LILRB5: variants seen among roughly 807,000 people sequenced by gnomAD.
LILRB5 encodes the protein leukocyte immunoglobulin-like receptor subfamily B member 5.
In LILRB5, 61 loss-of-function variants were observed where a neutral mutation model predicts 68.4. The ratio of observed to expected loss-of-function variants is 0.89; its 90% CI spans 0.73 to 1.10. LILRB5 has a LOEUF of 1.10. LILRB5 is among the 50% of genes least tolerant of loss of function. LILRB5 has a pLI of 0.00. For missense variants in LILRB5, 771 were observed against 751.6 expected (o/e 1.03, Z -0.30); for synonymous variants, 356 against 315.8 (o/e 1.13, Z -1.35).
At chr19:54,255,704 G>A (rs930820896) in intron 4 of LILRB5, 122 bp from the exon 5 acceptor site, 9 of 1,226,050 alleles carry the variant, frequency 7.3e-6, no homozygotes, top group South Asian at 3.1e-5. Flanking sequence ...CTCGGATCCC[G>A]GGGCCTCCTT....
Position 54,254,007 on chromosome 19 carries a change from C to G in LILRB5, c.1357+11G>C. On this transcript the variant is annotated intron_variant, in intron 8 of 12. Transcript: ENST00000449561. ...TCTCCGCCCACCTCCCACTCAGAGC[C>G]CCTCACTCACCACTCTGGGGATCCA... The G allele has an allele frequency of 6.3e-7, 1 of 1,585,386 alleles. No homozygotes were observed. The highest frequency in any genetic ancestry group is 2.3e-5 in the East Asian group (1 of 43,750).
chr19:54,253,847 G>A (rs759593590), intron 8 of LILRB5, 171 bp downstream of exon 8: 793 of 1,497,136 alleles, frequency 5.3e-4, no homozygotes, highest in Non-Finnish European at 6.9e-4. Flanking sequence ...ACAGTCCCCT[G>A]AAGAATCCCA....
chr19:54,252,840 C>G, intron 9 of LILRB5, 31 bp downstream of exon 9: 2 of 1,567,188 alleles, frequency 1.3e-6, no homozygotes, highest in Non-Finnish European at 1.7e-6. Context: ...CACCCTCGGT[C>G]GGCCCACGGG....
chr19:54,256,476 A>C lies in LILRB5; in HGVS notation c.355+13T>G. 1 of 1,612,970 alleles carries C rather than the reference A, an allele frequency of 6.2e-7. No individual in the cohort carries two copies. The highest frequency in any genetic ancestry group is 1.1e-5 in the South Asian group (1 of 91,052). ...GCAGAGCCTGGGGCTGGGACCCCTG[A>C]GTGTCCTCTCACCTGTCGCCACCAG... On this transcript the variant is annotated intron_variant, in intron 3 of 12. Transcript: ENST00000449561.
chr19:54,252,994 C>G lies in LILRB5; in HGVS notation c.1358-7G>C, dbSNP rs139385936. 2.6e-4 allele frequency: 402 copies of G among 1,537,482 alleles called. 2 individuals are homozygous for G. Among genetic ancestry groups the G allele is most frequent in the Middle Eastern group, 7.1e-4 (4 of 5,668 alleles). ...CCCAGGTGCCTTCCCAGACCTTGAGCGTGATGACGTTGGGAATGGGGATGA... is the reference window on the plus strand; with the variant it reads ...CCCAGGTGCCTTCCCAGACCTTGAGGGTGATGACGTTGGGAATGGGGATGA... On this transcript the variant is annotated splice_region_variant and splice_polypyrimidine_tract_variant and intron_variant, in intron 8 of 12. Transcript: ENST00000449561.
chr19:54,252,478 A>G lies in LILRB5; in HGVS notation c.1538+8T>C, dbSNP rs1326968882. ...GGATGGGAGTCTTGGGTCTTCATGC[A>G]GAATTACCTCTTCTGCAGGCCCTGG... On this transcript the variant is annotated splice_region_variant and intron_variant, in intron 10 of 12. Coordinates refer to ENST00000449561, the MANE Select transcript of LILRB5 (RefSeq NM_001081442.3). 1.2e-6 allele frequency: 2 copies of G among 1,614,172 alleles called. No individual in the cohort carries two copies. Among genetic ancestry groups the G allele is most frequent in the Admixed American group, 3.3e-5 (2 of 60,016 alleles).
At chr19:54,251,702 C>T (rs1329878665) in intron 12 of LILRB5, 5 of 643,394 alleles carry the variant, frequency 7.8e-6, no homozygotes, top group Admixed American at 6.3e-5. Context: ...CCATGGGGAG[C>T]CCCATCCACA....
chr19:54,251,125 CGG>C (rs1362771472), intron 12 of LILRB5, 193 bp from the exon 13 acceptor site: 1 of 1,557,984 alleles, frequency 6.4e-7, no homozygotes, highest in African/African-American at 1.4e-5. Flanking sequence ...AGTGTTTCAC[CGG>C]GGCATACGTC....
rs764856929 is a variant in LILRB5 at position 54,252,519 on chromosome 19, C to A, written c.1505G>T (p.Gly502Val). The A allele has an allele frequency of 2.5e-6, 4 of 1,614,080 alleles. No individual in the cohort carries two copies. The highest frequency in any genetic ancestry group is 2.5e-6 in the Non-Finnish European group (3 of 1,180,022). The change falls in exon 10 of 13, where the codon GGG becomes GTG. Residue 502 changes from glycine to valine, a missense_variant. Coordinates refer to ENST00000449561, the MANE Select transcript of LILRB5 (RefSeq NM_001081442.3). ...CAGGCCCTGGTCCTTGGGCTCTGGCCCCGCAGCCCCTGCAGGACGGTAGAA... is the reference window on the plus strand; with the variant it reads ...CAGGCCCTGGTCCTTGGGCTCTGGCACCGCAGCCCCTGCAGGACGGTAGAA... Reference protein sequence around the residue: ...AHFYRPAGAAGPEPKDQGLQK... With the variant: ...AHFYRPAGAAVPEPKDQGLQK...
intron 6 of LILRB5, 127 bp downstream of exon 6, chr19:54,254,608 C>G (rs1055641726): frequency 7.6e-7 from 1 of 1,313,652 alleles, no homozygotes; most frequent in Non-Finnish European, 1.1e-6. Context: ...GGGTGAGTCT[C>G]CCTCTGGCTG....
rs1491033420 is a variant in LILRB5 at position 54,250,044 on chromosome 19, A to AAAAC, written c.*738_*741dup. 18 of 152,726 alleles carry AAAAC rather than the reference A, an allele frequency of 1.2e-4. No homozygotes were observed. The highest frequency in any genetic ancestry group is 3.6e-4 in the African/African-American group (15 of 41,576). The allele number at this position is 152,726 out of a possible 1,614,324, so 9.5% of individuals were successfully genotyped here. A position where few individuals can be genotyped will look rare whatever the true frequency, so the allele number is the denominator to read the frequency against. ...GAGACTCCGTCTCAAAAAACAAAACAAAACAAAACAAAAACCCTCACACAA... is the reference window on the plus strand; with the variant it reads ...GAGACTCCGTCTCAAAAAACAAAACAAAACAAACAAAACAAAAACCCTCACACAA... On this transcript the variant is annotated 3_prime_UTR_variant, in exon 13 of 13. Coordinates refer to ENST00000449561, the MANE Select transcript of LILRB5 (RefSeq NM_001081442.3).
In LILRB5 at chr19:54,255,462, C is replaced by T. The variant is rs2079104140; in HGVS notation, c.776G>A (p.Gly259Glu). 1 of 1,614,150 alleles carries T rather than the reference C, an allele frequency of 6.2e-7. No homozygotes were observed. Among genetic ancestry groups the T allele is most frequent in the Non-Finnish European group, 8.5e-7 (1 of 1,180,008 alleles). Reference sequence around the variant, plus strand: ...AGAGCCCTGGACGAGGTCATGTTCCCCCTCCTTGTACAGAACGAATATGTC... The same window carrying T: ...AGAGCCCTGGACGAGGTCATGTTCCTCCTCCTTGTACAGAACGAATATGTC... Reference protein sequence around the residue: ...GYDIFVLYKEGEHDLVQGSGQ... With the variant: ...GYDIFVLYKEEEHDLVQGSGQ... The change falls in exon 5 of 13, where the codon GGG (glycine) becomes GAG (glutamate). Residue 259 changes from glycine (G) to glutamate (E), a missense_variant. By Grantham distance (98) the Gly-to-Glu change is moderately conservative. Coordinates refer to ENST00000449561, the MANE Select transcript of LILRB5 (RefSeq NM_001081442.3).
intron 2 of LILRB5, 64 bp downstream of exon 2, chr19:54,256,897 C>T (rs2079165537): frequency 1.2e-6 from 2 of 1,612,572 alleles, no homozygotes; most frequent in Non-Finnish European, 1.7e-6. Flanking sequence ...CCCCCAGCTG[C>T]CCGGGGTTGG....
rs564232198 is a variant in LILRB5, at chr19:54,255,638, T to C, written c.656-56A>G. ...GGCTGGTTCCTCCCCCGCCCCTTCC[T>C]TCTCCCGTCCTGGCGTCCTGGCCCT... On this transcript the variant is annotated intron_variant, in intron 4 of 12. Transcript: ENST00000449561. 6.5e-6 allele frequency: 10 copies of C among 1,549,154 alleles called. No homozygotes were observed. In the South Asian group the frequency reaches 1.1e-4, roughly 17 times the overall value.
chr19:54,254,171 G>T, intron 7 of LILRB5, 103 bp from the exon 8 acceptor site: 1 of 1,519,382 alleles, frequency 6.6e-7, no homozygotes, highest in Non-Finnish European at 8.9e-7. Context: ...ATCTCTCTCT[G>T]CCTCGACGCC....
In LILRB5 at chr19:54,252,867, T is replaced by C; in HGVS notation, c.1474+4A>G. On this transcript the variant is annotated splice_donor_region_variant and intron_variant, in intron 9 of 12. Coordinates refer to ENST00000449561, the MANE Select transcript of LILRB5 (RefSeq NM_001081442.3). ...GCCCACGGGTTCCCCCATTCCCTAC[T>C]CACCCGATGTCCTGTGTTTGCTCTG... The C allele has an allele frequency of 2.5e-6, 4 of 1,603,158 alleles. No individual in the cohort carries two copies. The highest frequency in any genetic ancestry group is 3.4e-6 in the Non-Finnish European group (4 of 1,173,134).
chr19:54,255,043 G>A lies in LILRB5; in HGVS notation c.953-6C>T, dbSNP rs1458108373. ...GGGTATGTCAGGGATCAGTCCTGGA[G>A]AGAAGAAGGATGGGTGAGGGGCTGC... On this transcript the variant is annotated splice_polypyrimidine_tract_variant and splice_region_variant and intron_variant, in intron 5 of 12. Transcript: ENST00000449561. 14 of 1,592,062 alleles carry A rather than the reference G, an allele frequency of 8.8e-6. No homozygotes were observed. The East Asian group carries it at 2.9e-4, about 33-fold the overall frequency.
intron 11 of LILRB5, 59 bp from the exon 12 acceptor site, chr19:54,252,165 C>T: frequency 6.3e-7 from 1 of 1,580,120 alleles, no homozygotes; most frequent in Non-Finnish European, 8.7e-7. Flanking sequence ...CTTCTCCGTC[C>T]TGCCAGCCCT....
At position 54,256,700 on chromosome 19, in the gene LILRB5, C is replaced by A; in HGVS notation, c.144G>T (p.Trp48Cys). 6.2e-7 allele frequency: 1 copy of A among 1,614,132 alleles called. No individual in the cohort carries two copies. Among genetic ancestry groups the A allele is most frequent in the Non-Finnish European group, 8.5e-7 (1 of 1,180,002 alleles). Residue 48 changes from tryptophan (W) to cysteine (C), a missense_variant, in exon 3 of 13, where the codon TGG becomes TGT. Trp to Cys is a radical substitution (Grantham distance 215). Coordinates refer to ENST00000449561, the MANE Select transcript of LILRB5 (RefSeq NM_001081442.3). ...CCTCAGTCTCCAGGGGCCCCTGACA[C>A]CAGAGGGTCACGGGCTTCCCCCGAG... The part of the protein sequence containing the change: ...VIARGKPVTL[W>C]CQGPLETEEY...
Sources: gnomAD v4.1 joint callset for allele counts on GRCh38, gnomAD v4.1.1 for gene constraint, MANE v1.5 for transcripts, NCBI Gene and HGNC (gene_info 2026-07-23, HGNC 2026-07-21) for gene names.